Variants in FTO observed in about 807,000 individuals in gnomAD.
FTO encodes the protein FTO alpha-ketoglutarate dependent dioxygenase, also known as alpha-ketoglutarate-dependent dioxygenase FTO.
Under a neutral mutation model 63.9 loss-of-function variants are expected in FTO, and 47 were observed. That is an observed-to-expected ratio of 0.74 (90% CI 0.58 to 0.94). FTO has a LOEUF of 0.94. Among genes scored for constraint, FTO ranks in the 40% least tolerant of loss-of-function variants. The probability of loss-of-function intolerance (pLI) is 0.00; values close to 1 mark genes in which losing one functional copy is unlikely to be tolerated. For missense variants in FTO, 562 were observed against 618.1 expected (o/e 0.91, Z 0.96); for synonymous variants, 207 against 224.4 (o/e 0.92, Z 0.69).
intron 1 of FTO, among the ~76,000 whole-genome samples, chr16:53,705,012 G>A (rs2075550422): frequency 9.8e-6 from 1 of 102,516 alleles, no homozygotes; most frequent in Non-Finnish European, 1.8e-5. Context: ...TTGGGAATAT[G>A]CCCACTTTTT....
At chr16:53,731,142 G>A (rs1484612259) in intron 1 of FTO, among the ~76,000 whole-genome samples, 1 of 152,200 alleles carries the variant, frequency 6.6e-6, no homozygotes. Flanking sequence ...GTGAATTTGG[G>A]ATCTAACTGG....
chr16:54,023,880 T>G (rs543290603), intron 8 of FTO, among the ~76,000 whole-genome samples: 1 of 152,216 alleles, frequency 6.6e-6, no homozygotes, highest in Non-Finnish European at 1.5e-5. Flanking sequence ...TGTGGGTTAA[T>G]TTAGGTATTG....
At chr16:54,023,503 G>C (rs2084646435) in intron 8 of FTO, among the ~76,000 whole-genome samples, 1 of 152,190 alleles carries the variant, frequency 6.6e-6, no homozygotes, top group Non-Finnish European at 1.5e-5. Context: ...TGACCTCCAT[G>C]AGTGGATGAC....
intron 1 of FTO, among the ~76,000 whole-genome samples, chr16:53,762,633 A>G (rs2077097658): frequency 6.6e-6 from 1 of 152,146 alleles, no homozygotes; most frequent in Admixed American, 6.5e-5. Flanking sequence ...CTGATGCCAT[A>G]CAACTCACCA....
intron 2 of FTO, chr16:53,814,912 G>A (rs1161593210): frequency 1.3e-5 from 2 of 152,222 alleles, no homozygotes; most frequent in African/African-American, 4.8e-5. Flanking sequence ...TCTTCTTTGA[G>A]CTTATTTCTT....
intron 8 of FTO, among the ~76,000 whole-genome samples, chr16:53,986,695 T>C (rs2143861486): frequency 6.6e-6 from 1 of 152,272 alleles, no homozygotes; most frequent in African/African-American, 2.4e-5. Flanking sequence ...TCTAGTAGAG[T>C]GTGTCTAATC....
intron 1 of FTO, among the ~76,000 whole-genome samples, chr16:53,760,214 G>C (rs1334635619): frequency 2.1e-5 from 1 of 47,626 alleles, no homozygotes; most frequent in Non-Finnish European, 3.7e-5. Flanking sequence ...TGGTGTGTGT[G>C]TGTGTGTGTG....
At chr16:53,946,546 G>A (rs558507324) in intron 8 of FTO, among the ~76,000 whole-genome samples, 2 of 152,254 alleles carry the variant, frequency 1.3e-5, no homozygotes, top group South Asian at 2.1e-4. Flanking sequence ...TTGGAAGGGC[G>A]TTTTGGAAGT....
chr16:53,975,118 G>A (rs886968935), intron 8 of FTO, among the ~76,000 whole-genome samples: 2 of 151,708 alleles, frequency 1.3e-5, no homozygotes, highest in Non-Finnish European at 2.9e-5. Flanking sequence ...TGAAAACTTG[G>A]TAATATTAGC....
intron 4 of FTO, among the ~76,000 whole-genome samples, chr16:53,856,269 C>T (rs2079989271): frequency 6.6e-6 from 1 of 151,830 alleles, no homozygotes; most frequent in South Asian, 2.1e-4. Flanking sequence ...CTCATCTAGT[C>T]AGTCCCAGCA....
chr16:54,025,019 G>A (rs1490802850), intron 8 of FTO, among the ~76,000 whole-genome samples: 3 of 152,192 alleles, frequency 2.0e-5, no homozygotes, highest in African/African-American at 7.2e-5. Flanking sequence ...GTAAGGTAGA[G>A]GCTTTTAGAA....
At chr16:53,826,618 T>C in intron 3 of FTO, 127 bp downstream of exon 3, 5 of 827,742 alleles carry the variant, frequency 6.0e-6, no homozygotes, top group African/African-American at 1.7e-5. Context: ...TACATGCACA[T>C]GCGTGTGTGT....
intron 1 of FTO, among the ~76,000 whole-genome samples, chr16:53,782,616 T>C: frequency 6.6e-6 from 1 of 152,190 alleles, no homozygotes; most frequent in East Asian, 1.9e-4. Flanking sequence ...ATTTAATTCC[T>C]CCAGATTGAT....
At chr16:54,087,999 C>T (rs1188152323) in intron 8 of FTO, among the ~76,000 whole-genome samples, 1 of 152,220 alleles carries the variant, frequency 6.6e-6, no homozygotes, top group African/African-American at 2.4e-5. Flanking sequence ...GTTCTAGTCA[C>T]CACCATTTTT....
chr16:53,930,287 G>A (rs9929755), intron 7 of FTO, among the ~76,000 whole-genome samples: 5 of 133,006 alleles, frequency 3.8e-5, no homozygotes, highest in Non-Finnish European at 4.6e-5. Context: ...GAAGTGGCGC[G>A]ATCTTGGCTC....
At chr16:54,079,541 C>CTA (rs1312381300) in intron 8 of FTO, among the ~76,000 whole-genome samples, 3 of 152,134 alleles carry the variant, frequency 2.0e-5, no homozygotes, top group African/African-American at 7.2e-5. Flanking sequence ...ACGCATGAGA[C>CTA]TATGGTAAAG....
At chr16:53,999,061 T>C (rs1397507163) in intron 8 of FTO, among the ~76,000 whole-genome samples, 5 of 152,326 alleles carry the variant, frequency 3.3e-5, no homozygotes, top group African/African-American at 9.6e-5. Context: ...AATGCTGGAA[T>C]GTTTAGGGTC....
chr16:53,993,848 A>G (rs749246788), intron 8 of FTO: 1 of 152,222 alleles, frequency 6.6e-6, no homozygotes, highest in Non-Finnish European at 1.5e-5. Flanking sequence ...TTGTGCTTCA[A>G]ATAATTGTAG....
At position 53,966,056 on chromosome 16, in the gene FTO, TG is replaced by T. The variant is rs1353496421; in HGVS notation, c.1364+31951del. ...CTAATTTTTGTGTTTTTAGTAGAGA[TG>T]GGGTTTCACCATGTTGGCCAGGCTG... On this transcript the variant is annotated intron_variant, in intron 8 of 8. Coordinates refer to ENST00000471389, the MANE Select transcript of FTO (RefSeq NM_001080432.3). 2.6e-5 allele frequency among the ~76,000 whole-genome samples: 4 copies of T among 151,944 alleles called. No homozygotes were observed. In the South Asian group the frequency reaches 8.3e-4, roughly 32 times the overall value.
Sources: gnomAD v4.1 joint callset for allele counts (sites outside exome capture counted in the v4.1 genomes callset) on GRCh38, gnomAD v4.1.1 for gene constraint, MANE v1.5 for transcripts, NCBI Gene and HGNC (gene_info 2026-07-23, HGNC 2026-07-21) for gene names.